Variants in ZSCAN5A observed in about 807,000 individuals in gnomAD.
ZSCAN5A encodes zinc finger and SCAN domain containing 5A.
Under a neutral mutation model 23.7 loss-of-function variants are expected in ZSCAN5A, and 12 were observed. The observed-to-expected ratio is 0.51, with a 90% CI of 0.32 to 0.82. The LOEUF (loss-of-function observed/expected upper bound fraction) is 0.82, where lower values mean the gene tolerates loss of function less well. ZSCAN5A is among the 40% of genes least tolerant of loss of function. ZSCAN5A has a pLI of 0.03. For missense variants in ZSCAN5A, 597 were observed against 617.9 expected, an observed-to-expected ratio of 0.97 and a Z score of 0.36; for synonymous variants, 257 against 239.9, an observed-to-expected ratio of 1.07 and a Z score of -0.66.
intron 2 of ZSCAN5A, among the ~76,000 whole-genome samples, chr19:56,353,614 T>TAA (rs753891156): frequency 6.8e-6 from 1 of 146,244 alleles, no homozygotes; most frequent in Non-Finnish European, 1.5e-5. Context: ...CCGTCTCTAC[T>TAA]AAAAAAAAAT....
At chr19:56,358,861 A>T (rs2041714638) in intron 2 of ZSCAN5A, among the ~76,000 whole-genome samples, 1 of 152,226 alleles carries the variant, frequency 6.6e-6, no homozygotes, top group South Asian at 2.1e-4. Flanking sequence ...AAACCAAGAA[A>T]TTCTTTGAAA....
intron 2 of ZSCAN5A, among the ~76,000 whole-genome samples, chr19:56,238,839 A>C (rs1030919402): frequency 2.7e-5 from 4 of 150,178 alleles, no homozygotes. Flanking sequence ...CAAAATGCCA[A>C]GGACATTCCT....
At position 56,222,712 on chromosome 19, in the gene ZSCAN5A, A is replaced by G. The variant is rs143209101; in HGVS notation, c.618T>C (p.Ile206=). The change falls in exon 5 of 6, where the codon ATT becomes ATC. Residue 206 remains isoleucine, a synonymous_variant. Coordinates refer to ENST00000683990, the MANE Select transcript of ZSCAN5A (RefSeq NM_001322064.3). The part of the protein sequence containing the change: ...QGEDFLLHKS[I]DVTGDPKSLR... ...GAGACTTTGGGTCACCTGTTACGTC[A>G]ATACTCTTGTGTAGCAGAAAGTCCT... The G allele has an allele frequency of 8.3e-4, 1,341 of 1,614,134 alleles. 12 individuals carry two copies. In the African/African-American group the frequency reaches 0.016, roughly 20 times the overall value.
chr19:56,311,020 T>C (rs909940463), intron 2 of ZSCAN5A, among the ~76,000 whole-genome samples: 1 of 152,230 alleles, frequency 6.6e-6, no homozygotes, highest in Admixed American at 6.5e-5. Flanking sequence ...TAATTAAAAA[T>C]ACTTTTACCA....
At chr19:56,261,427 C>G (rs1238929177) in intron 2 of ZSCAN5A, among the ~76,000 whole-genome samples, 1 of 152,088 alleles carries the variant, frequency 6.6e-6, no homozygotes, top group Non-Finnish European at 1.5e-5. Context: ...TGGGACTTTC[C>G]CTTAGCTCAG....
At chr19:56,273,024 C>A (rs1420114628) in intron 2 of ZSCAN5A, 1 of 304,802 alleles carries the variant, frequency 3.3e-6, no homozygotes, top group Non-Finnish European at 4.8e-6. Flanking sequence ...TAACAGACTT[C>A]TTCTTGCTTC....
intron 2 of ZSCAN5A, among the ~76,000 whole-genome samples, chr19:56,290,385 C>T (rs76605981): frequency 0.013 from 2,022 of 152,318 alleles, 60 homozygotes; most frequent in African/African-American, 0.046. Flanking sequence ...GCCATGTGGC[C>T]TGCAAAGCCT....
Position 56,221,466 on chromosome 19 carries a change from C to T in ZSCAN5A, c.*109G>A. 7.3e-7 allele frequency: 1 copy of T among 1,370,818 alleles called. No homozygotes were observed. 84.9% of individuals were successfully genotyped at this position (1,370,818 alleles called of 1,614,324 possible). The stretch of plus-strand genomic sequence containing the variant: ...CCTGGCAATTCATATCTAGGGCACT[C>T]CCTCTGTGTGTCAGACGCCCTTGCA... On this transcript the variant is annotated 3_prime_UTR_variant, in exon 6 of 6. Coordinates refer to ENST00000683990, the MANE Select transcript of ZSCAN5A (RefSeq NM_001322064.3).
At chr19:56,317,910 T>G (rs2041334394), upstream of ZSCAN5A, 1 of 152,300 alleles carries the variant, frequency 6.6e-6, no homozygotes, top group Non-Finnish European at 1.5e-5. Flanking sequence ...CAAAGTTTCA[T>G]CATAGGCCAG....
Position 56,221,553 on chromosome 19 carries a change from A to C in ZSCAN5A, c.*22T>G, listed in dbSNP as rs1298118040. The C allele has an allele frequency of 6.4e-7, 1 of 1,553,580 alleles. No homozygotes were observed. The highest frequency in any genetic ancestry group is 2.3e-5 in the East Asian group (1 of 44,344). ...ATCATTCACTTCTTCTTGGTGCAGA[A>C]GGCATAGACCGGATTATGCAATCAC... On this transcript the variant is annotated 3_prime_UTR_variant, in exon 6 of 6. Coordinates refer to ENST00000683990, the MANE Select transcript of ZSCAN5A (RefSeq NM_001322064.3).
At chr19:56,246,788 A>G in intron 2 of ZSCAN5A, 1 of 1,607,594 alleles carries the variant, frequency 6.2e-7, no homozygotes, top group Non-Finnish European at 8.5e-7. Context: ...TCTGTCGAAA[A>G]TGTGGATGCT....
At chr19:56,323,765 AC>A (rs1285395216) in intron 2 of ZSCAN5A, among the ~76,000 whole-genome samples, 1 of 146,348 alleles carries the variant, frequency 6.8e-6, no homozygotes, top group Admixed American at 6.8e-5. Context: ...CAAACTCCTG[AC>A]CTCAGGTGAT....
intron 2 of ZSCAN5A, among the ~76,000 whole-genome samples, chr19:56,238,921 G>C (rs2035197239): frequency 6.6e-6 from 1 of 152,142 alleles, no homozygotes; most frequent in African/African-American, 2.4e-5. Flanking sequence ...GTTTTAGGCA[G>C]ATTCTAGTTC....
rs550905979 is a variant in ZSCAN5A, at chr19:56,349,034, A to T, written c.-358+14201T>A. On this transcript the variant is annotated intron_variant, in intron 2 of 6. Transcript: ENST00000587340. The stretch of plus-strand genomic sequence containing the variant: ...AACTCTATTTGCCAGCCTCCAGCCA[A>T]TGAAAAGTTCTTAAAATCCTTCACC... 2.4e-4 allele frequency among the ~76,000 whole-genome samples: 37 copies of T among 152,342 alleles called. No homozygotes were observed. The South Asian group carries it at 4.8e-3, about 20-fold the overall frequency.
intron 2 of ZSCAN5A, chr19:56,243,930 A>G (rs1192821037): frequency 1.8e-5 from 10 of 560,584 alleles, no homozygotes; most frequent in Admixed American, 9.2e-5. Context: ...ACTTCTGAAC[A>G]GTGAATCTAT....
At chr19:56,229,460 G>C (rs1262297735) in intron 2 of ZSCAN5A, among the ~76,000 whole-genome samples, 1 of 152,086 alleles carries the variant, frequency 6.6e-6, no homozygotes, top group East Asian at 1.9e-4. Context: ...CTCATACTTT[G>C]TTACATTTTT....
At chr19:56,247,624 C>T (rs1051054824) in intron 2 of ZSCAN5A, 1 of 154,698 alleles carries the variant, frequency 6.5e-6, no homozygotes, top group Non-Finnish European at 1.5e-5. Context: ...CCCCACAGAG[C>T]TTTATTTTCT....
chr19:56,346,315 GC>G (rs1254509584), intron 2 of ZSCAN5A, among the ~76,000 whole-genome samples: 2 of 152,098 alleles, frequency 1.3e-5, no homozygotes, highest in Non-Finnish European at 2.9e-5. Flanking sequence ...ATGAAGACCA[GC>G]TGGTTGCTAC....
At chr19:56,257,092 C>T (rs746292756) in intron 2 of ZSCAN5A, among the ~76,000 whole-genome samples, 3 of 152,038 alleles carry the variant, frequency 2.0e-5, no homozygotes, top group East Asian at 1.9e-4. Flanking sequence ...TCATTTCTAG[C>T]GGGGTTAGAT....
Sources: allele counts gnomAD v4.1 joint callset (sites outside exome capture counted in the v4.1 genomes callset), GRCh38; gene constraint gnomAD v4.1.1; transcripts MANE v1.5; gene names NCBI Gene and HGNC (gene_info 2026-07-23, HGNC 2026-07-21).